ZNF783: variants seen among roughly 807,000 people sequenced by gnomAD.
ZNF783 encodes the protein protein ZNF783.
Under a neutral mutation model 31.3 loss-of-function variants are expected in ZNF783, and 25 were observed. The observed-to-expected ratio is 0.80, with a 90% CI of 0.58 to 1.11. The LOEUF (loss-of-function observed/expected upper bound fraction) is 1.11, where lower values mean the gene tolerates loss of function less well. Among genes scored for constraint, ZNF783 ranks in the 50% most tolerant of loss-of-function variants. The pLI is 0.00. For missense variants in ZNF783, 797 were observed against 760.0 expected, an observed-to-expected ratio of 1.05 and a Z score of -0.57; for synonymous variants, 369 against 319.1, an observed-to-expected ratio of 1.16 and a Z score of -1.66.
intron 1 of ZNF783, 101 bp from the exon 2 acceptor site, chr7:149,266,234 G>A: frequency 3.6e-6 from 5 of 1,374,484 alleles, no homozygotes; most frequent in Non-Finnish European, 4.8e-6. Flanking sequence ...GCCCAGATGG[G>A]ACTTTACCAT....
chr7:149,267,245 G>A (rs754652254), intron 4 of ZNF783, 23 bp downstream of exon 4: 2 of 1,560,294 alleles, frequency 1.3e-6, no homozygotes, highest in Middle Eastern at 1.7e-4. Flanking sequence ...GCCAGATGTG[G>A]TTGGGGGGCC....
chr7:149,279,232 G>T (rs1278521198), intron 5 of ZNF783, among the ~76,000 whole-genome samples: 1 of 152,210 alleles, frequency 6.6e-6, no homozygotes, highest in Non-Finnish European at 1.5e-5. Context: ...CAGCCAGTGT[G>T]TAAGTCTGGG....
intron 5 of ZNF783, 27 bp downstream of exon 5, chr7:149,278,554 A>G (rs1428163771): frequency 6.3e-7 from 1 of 1,598,842 alleles, no homozygotes; most frequent in East Asian, 2.2e-5. Context: ...AGGCGGCAGG[A>G]TGAACAGTGT....
Position 149,266,629 on chromosome 7 carries a change from G to A in ZNF783, c.319G>A (p.Gly107Arg), listed in dbSNP as rs747914903. The A allele has an allele frequency of 5.0e-6, 8 of 1,614,156 alleles. No individual in the cohort carries two copies. Among genetic ancestry groups the A allele is most frequent in the East Asian group, 2.2e-5 (1 of 44,874 alleles). Residue 107 changes from glycine to arginine, a missense_variant, in exon 2 of 6, where the codon GGG becomes AGG. Transcript: ENST00000434415. ...AVLGTLLQEY[G>R]LLQRRLENVE... ...GCTGGGGACCTTGCTGCAGGAGTAC[G>A]GGCTGCTGCAGAGGCGGCTGGAGAA...
chr7:149,281,443 G>T, intron 5 of ZNF783, 62 bp from the exon 6 acceptor site: 2 of 1,382,076 alleles, frequency 1.4e-6, no homozygotes, highest in Non-Finnish European at 1.9e-6. Context: ...GGACTGGGCC[G>T]AGTGACCTGG....
intron 1 of ZNF783, among the ~76,000 whole-genome samples, chr7:149,263,937 C>G (rs1019216499): frequency 6.6e-6 from 1 of 152,116 alleles, no homozygotes; most frequent in Non-Finnish European, 1.5e-5. Context: ...TAGTCCTGTT[C>G]CCTGGGAAGA....
chr7:149,267,654 G>A (rs1418263207), intron 4 of ZNF783, among the ~76,000 whole-genome samples: 6 of 152,014 alleles, frequency 3.9e-5, no homozygotes, highest in South Asian at 4.1e-4. Flanking sequence ...AAAATTAGCC[G>A]GGCGTGGTGG....
intron 4 of ZNF783, chr7:149,276,105 G>A (rs1797322323): frequency 6.5e-6 from 1 of 152,696 alleles, no homozygotes; most frequent in East Asian, 1.9e-4. Context: ...TGCCTATACT[G>A]GTCTCAAACT....
chr7:149,279,300 C>T (rs186623899), intron 5 of ZNF783, among the ~76,000 whole-genome samples: 12 of 152,376 alleles, frequency 7.9e-5, no homozygotes, highest in East Asian at 3.9e-4. Flanking sequence ...AATGTTCCTG[C>T]CCCATTGCAG....
At chr7:149,271,793 C>T (rs1420642561) in intron 4 of ZNF783, among the ~76,000 whole-genome samples, 1 of 152,154 alleles carries the variant, frequency 6.6e-6, no homozygotes, top group Non-Finnish European at 1.5e-5. Flanking sequence ...TGTATTCCCA[C>T]CCCTGTCTTA....
rs888679878 is a variant in ZNF783, at chr7:149,265,594, A to G, written c.25-741A>G. On this transcript the variant is annotated intron_variant, in intron 1 of 5. Coordinates refer to ENST00000434415, the MANE Select transcript of ZNF783 (RefSeq NM_001195220.2). Reference sequence around the variant, plus strand: ...TATGAGGGCTCTGCCTTCATGGCCTAATTGCCTCCCAGAAGCTCCACCTCC... The same window carrying G: ...TATGAGGGCTCTGCCTTCATGGCCTGATTGCCTCCCAGAAGCTCCACCTCC... Among the ~76,000 whole-genome samples the G allele has an allele frequency of 4.6e-5, 7 of 152,114 alleles. No individual in the cohort carries two copies. The East Asian group carries it at 1.3e-3, about 29-fold the overall frequency.
intron 1 of ZNF783, among the ~76,000 whole-genome samples, chr7:149,263,638 G>T (rs535857691): frequency 1.3e-5 from 2 of 151,926 alleles, no homozygotes; most frequent in Admixed American, 6.6e-5. Flanking sequence ...TATAAGTTAG[G>T]CCAGTTTAGC....
Position 149,282,965 on chromosome 7 carries a change from T to TTGTTGTTGTTGTTGTTGTTGTTG in ZNF783, c.*623_*624insGTTGTTGTTGTTGTTGTTGTTGT, listed in dbSNP as rs1554480464. On this transcript the variant is annotated 3_prime_UTR_variant, in exon 6 of 6. Coordinates refer to ENST00000434415, the MANE Select transcript of ZNF783 (RefSeq NM_001195220.2). ...AGCCTGTGGGTCTTTTGGTTTTTTT[T>TTGTTGTTGTTGTTGTTGTTGTTG]TTGTTGTTGTTGTTGTTTTTTTAAG... is the stretch of plus-strand genomic sequence containing the variant. The TTGTTGTTGTTGTTGTTGTTGTTG allele has an allele frequency of 2.3e-5, 3 of 131,056 alleles. No individual in the cohort carries two copies. Among genetic ancestry groups the TTGTTGTTGTTGTTGTTGTTGTTG allele is most frequent in the African/African-American group, 8.5e-5 (3 of 35,184 alleles). 8.1% of individuals were successfully genotyped at this position (131,056 alleles called of 1,614,324 possible).
At chr7:149,270,713 C>T (rs1409960312) in intron 4 of ZNF783, among the ~76,000 whole-genome samples, 1 of 152,168 alleles carries the variant, frequency 6.6e-6, no homozygotes, top group Admixed American at 6.5e-5. Context: ...GGCTTTCAGA[C>T]ACCATAAGGT....
intron 1 of ZNF783, among the ~76,000 whole-genome samples, chr7:149,264,650 G>A (rs190076520): frequency 2.2e-4 from 34 of 152,208 alleles, no homozygotes; most frequent in Admixed American, 9.2e-4. Context: ...TGAGGCGGGC[G>A]GATCACAAGG....
At chr7:149,264,333 C>CGA (rs1250725311) in intron 1 of ZNF783, among the ~76,000 whole-genome samples, 1 of 152,108 alleles carries the variant, frequency 6.6e-6, no homozygotes, top group African/African-American at 2.4e-5. Context: ...ATCTTAAAAA[C>CGA]GAGAGAGACT....
chr7:149,276,854 TA>T (rs1471612082), intron 4 of ZNF783, among the ~76,000 whole-genome samples: 1 of 151,410 alleles, frequency 6.6e-6, no homozygotes. Context: ...GTTATTTATT[TA>T]TTTTTTTTTT....
chr7:149,281,922 G>T lies in ZNF783; in HGVS notation c.1220G>T (p.Arg407Leu), dbSNP rs200388581. ...GEVVVPGPVI[R>L]WLPEEPEGRR... Reference sequence around the variant, plus strand: ...GTGGTGGTACCCGGCCCTGTCATCCGCTGGCTCCCCGAGGAGCCTGAGGGT... The same window carrying T: ...GTGGTGGTACCCGGCCCTGTCATCCTCTGGCTCCCCGAGGAGCCTGAGGGT... Residue 407 changes from arginine to leucine, a missense_variant, in exon 6 of 6, where the codon CGC becomes CTC. Transcript: ENST00000434415. The T allele has an allele frequency of 2.6e-6, 4 of 1,531,706 alleles. No individual in the cohort carries two copies. Among genetic ancestry groups the T allele is most frequent in the Admixed American group, 1.9e-5 (1 of 53,458 alleles). The allele number at this position is 1,531,706 out of a possible 1,614,324, so 94.9% of individuals were successfully genotyped here. A position where few individuals can be genotyped will look rare whatever the true frequency, so the allele number is the denominator to read the frequency against.
chr7:149,282,093 G>A lies in ZNF783; in HGVS notation c.1391G>A (p.Gly464Asp). 1.3e-6 allele frequency: 2 copies of A among 1,596,868 alleles called. No homozygotes were observed. The highest frequency in any genetic ancestry group is 1.7e-6 in the Non-Finnish European group (2 of 1,178,956). Reference sequence around the variant, plus strand: ...CGCCTGCACACCGGCAATGGCCAGGGCTGGCCCGCCTGCCCCTACTGCGGC... The same window carrying A: ...CGCCTGCACACCGGCAATGGCCAGGACTGGCCCGCCTGCCCCTACTGCGGC... ...HQRLHTGNGQ[G>D]WPACPYCGKA... Residue 464 changes from glycine (G) to aspartate (D), a missense_variant, in exon 6 of 6, where the codon GGC (glycine) becomes GAC (aspartate). Coordinates refer to ENST00000434415, the MANE Select transcript of ZNF783 (RefSeq NM_001195220.2).
Sources: allele counts gnomAD v4.1 joint callset (sites outside exome capture counted in the v4.1 genomes callset), GRCh38; gene constraint gnomAD v4.1.1; transcripts MANE v1.5; gene names NCBI Gene and HGNC (gene_info 2026-07-23, HGNC 2026-07-21).